Variants in PLA2G4C observed in about 807,000 individuals in gnomAD.
The protein encoded by PLA2G4C is phospholipase A2 group IVC, also known as cytosolic phospholipase A2 gamma.
Under a neutral mutation model 73.8 loss-of-function variants are expected in PLA2G4C, and 64 were observed. The observed-to-expected ratio is 0.87, with a 90% CI of 0.71 to 1.07. The LOEUF is 1.07. Among genes scored for constraint, PLA2G4C ranks in the 50% least tolerant of loss-of-function variants. PLA2G4C has a pLI of 0.00. For missense variants in PLA2G4C, 622 were observed against 665.4 expected (o/e 0.93, Z 0.72); for synonymous variants, 254 against 252.1 (o/e 1.01, Z -0.07).
In PLA2G4C at chr19:48,071,608, T is replaced by C. The variant is rs1391624110; in HGVS notation, c.1006+3159A>G. The stretch of plus-strand genomic sequence containing the variant: ...CACCACACCCGGCCATTCTATCTTA[T>C]ATTTTTATTTATTTATTTTAGAGAG... On this transcript the variant is annotated intron_variant, in intron 12 of 16. Coordinates refer to ENST00000599921, the MANE Select transcript of PLA2G4C (RefSeq NM_003706.3). Among the ~76,000 whole-genome samples, 3 of 151,804 alleles carry C rather than the reference T, an allele frequency of 2.0e-5. No homozygotes were observed. In the South Asian group the frequency reaches 6.3e-4, roughly 32 times the overall value.
chr19:48,061,031 T>C (rs1199533927), intron 14 of PLA2G4C, among the ~76,000 whole-genome samples: 2 of 152,170 alleles, frequency 1.3e-5, no homozygotes, highest in Non-Finnish European at 2.9e-5. Context: ...CAGGGCGGCT[T>C]GTGCCTGTAA....
At chr19:48,068,569 G>A (rs1479025516) in intron 12 of PLA2G4C, among the ~76,000 whole-genome samples, 1 of 151,950 alleles carries the variant, frequency 6.6e-6, no homozygotes, top group Non-Finnish European at 1.5e-5. Flanking sequence ...ATGCATGCCT[G>A]TGGTCCCAGC....
At position 48,048,072 on chromosome 19, in the gene PLA2G4C, T is replaced by C. The variant is rs1393414273; in HGVS notation, c.*271A>G. 3 of 486,242 alleles carry C rather than the reference T, an allele frequency of 6.2e-6. No homozygotes were observed. Among genetic ancestry groups the C allele is most frequent in the Non-Finnish European group, 1.1e-5 (3 of 279,298 alleles). 30.1% of individuals were successfully genotyped at this position (486,242 alleles called of 1,614,324 possible). ...TGGACATTGGACATGATGCTTCTGA[T>C]TGTCAGACACTCATGCTCCAGCTCC... is the stretch of plus-strand genomic sequence containing the variant. On this transcript the variant is annotated 3_prime_UTR_variant, in exon 17 of 17. Coordinates refer to ENST00000599921, the MANE Select transcript of PLA2G4C (RefSeq NM_003706.3).
At chr19:48,071,055 T>C (rs1007906565) in intron 12 of PLA2G4C, among the ~76,000 whole-genome samples, 18 of 152,210 alleles carry the variant, frequency 1.2e-4, no homozygotes, top group Admixed American at 1.2e-3. Flanking sequence ...TACATAGATA[T>C]AGATGCATAG....
At chr19:48,104,821 G>A (rs1322078296) in intron 3 of PLA2G4C, 97 bp from the exon 4 acceptor site, 10 of 1,223,614 alleles carry the variant, frequency 8.2e-6, no homozygotes, top group African/African-American at 1.5e-5. Context: ...CGTGGCTCAC[G>A]CCTGTAATCC....
intron 9 of PLA2G4C, among the ~76,000 whole-genome samples, chr19:48,085,806 C>A (rs2030939585): frequency 1.3e-5 from 2 of 152,152 alleles, no homozygotes; most frequent in Non-Finnish European, 2.9e-5. Flanking sequence ...CCCCACCACA[C>A]CAGGGAGCCT....
chr19:48,105,653 C>T (rs2032139730), intron 2 of PLA2G4C, among the ~76,000 whole-genome samples: 1 of 152,040 alleles, frequency 6.6e-6, no homozygotes, highest in Non-Finnish European at 1.5e-5. Context: ...GTCAATTATT[C>T]ACTTTTCAAA....
intron 2 of PLA2G4C, 83 bp from the exon 3 acceptor site, chr19:48,105,527 G>C (rs2032132521): frequency 9.8e-7 from 1 of 1,018,946 alleles, no homozygotes; most frequent in South Asian, 1.4e-5. Flanking sequence ...GAACTGGGCT[G>C]TCCAAGCAGG....
At chr19:48,102,536 G>A (rs1007136334) in intron 4 of PLA2G4C, among the ~76,000 whole-genome samples, 3 of 152,080 alleles carry the variant, frequency 2.0e-5, no homozygotes, top group African/African-American at 7.2e-5. Context: ...AATTTAAAAT[G>A]ATAGAATAGA....
chr19:48,106,466 A>G (rs1410969700), intron 2 of PLA2G4C, 56 bp downstream of exon 2: 2 of 1,267,856 alleles, frequency 1.6e-6, no homozygotes, highest in African/African-American at 1.5e-5. Context: ...CTCACTATGC[A>G]TTCCATTACA....
intron 13 of PLA2G4C, 41 bp downstream of exon 13, chr19:48,067,750 C>T (rs200719165): frequency 4.8e-5 from 64 of 1,341,698 alleles, no homozygotes; most frequent in East Asian, 1.1e-4. Context: ...CCCATTCACA[C>T]GCAAGGACAG....
At chr19:48,101,126 A>ATATATATATATAT (rs1491313107) in intron 4 of PLA2G4C, among the ~76,000 whole-genome samples, 10 of 74,130 alleles carry the variant, frequency 1.3e-4, no homozygotes, top group African/African-American at 3.8e-4. Flanking sequence ...ATATATATAT[A>ATATATATATATAT]TTTTTTTTTT....
At chr19:48,061,724 G>A in intron 14 of PLA2G4C, 1 of 426,682 alleles carries the variant, frequency 2.3e-6, no homozygotes, top group Non-Finnish European at 4.3e-6. Flanking sequence ...AAACTGGTAT[G>A]AATGGGCAGG....
intron 1 of PLA2G4C, 176 bp from the exon 2 acceptor site, chr19:48,106,737 G>A (rs888227875): frequency 2.1e-5 from 12 of 567,572 alleles, no homozygotes; most frequent in African/African-American, 9.5e-5. Context: ...TCTCAGGGGC[G>A]GCCAAGCGAG....
chr19:48,059,742 G>A (rs893838632), intron 14 of PLA2G4C, among the ~76,000 whole-genome samples: 1 of 151,500 alleles, frequency 6.6e-6, no homozygotes, highest in Non-Finnish European at 1.5e-5. Flanking sequence ...ACAGACTGAA[G>A]GCTGCACTGT....
rs748678912 is a variant in PLA2G4C, at chr19:48,099,820, C to CT, written c.297dup (p.Ala100SerfsTer5). 4.3e-6 allele frequency: 7 copies of CT among 1,613,758 alleles called. No individual in the cohort carries two copies. The African/African-American group carries it at 9.3e-5, about 22-fold the overall frequency. On this transcript the variant is annotated frameshift_variant, in exon 5 of 17. Coordinates refer to ENST00000599921, the MANE Select transcript of PLA2G4C (RefSeq NM_003706.3). LOFTEE classifies it high-confidence loss of function. ...CGATGTTTCAGGTCAGCCTCGAGAG[C>CT]TTCCATGTCACCATCATTGGTGTAG...
chr19:48,099,921 A>C (rs1251087441), intron 4 of PLA2G4C, 61 bp from the exon 5 acceptor site: 2 of 1,237,738 alleles, frequency 1.6e-6, no homozygotes, highest in Non-Finnish European at 2.3e-6. Context: ...AAGACTGGGG[A>C]AAGATGTGTG....
chr19:48,053,852 GTGGCAC>G (rs537526338), intron 15 of PLA2G4C, among the ~76,000 whole-genome samples: 1 of 152,194 alleles, frequency 6.6e-6, no homozygotes, highest in Non-Finnish European at 1.5e-5. Context: ...ACTGTGGGAA[GTGGCAC>G]AATCAGGCCC....
intron 10 of PLA2G4C, among the ~76,000 whole-genome samples, chr19:48,078,900 C>T (rs988612035): frequency 1.3e-4 from 18 of 142,430 alleles, no homozygotes; most frequent in South Asian, 4.4e-4. Flanking sequence ...GACTTAGTCT[C>T]GCTCTGTTGC....
Sources: allele counts gnomAD v4.1 joint callset (sites outside exome capture counted in the v4.1 genomes callset), GRCh38; gene constraint gnomAD v4.1.1; transcripts MANE v1.5; gene names NCBI Gene and HGNC (gene_info 2026-07-23, HGNC 2026-07-21).